HDAC8: variants seen among roughly 807,000 people sequenced by gnomAD.
HDAC8 encodes the protein histone deacetylase 8.
HDAC8 carries 1 observed loss-of-function variant against 32.2 expected under a neutral mutation model. That is an observed-to-expected ratio of 0.03 (90% CI 0.01 to 0.15). The LOEUF (loss-of-function observed/expected upper bound fraction) is 0.15, where lower values mean the gene tolerates loss of function less well. Among genes scored for constraint, HDAC8 ranks in the 10% least tolerant of loss-of-function variants. The pLI, the probability that HDAC8 is intolerant of heterozygous loss-of-function variation, is 1.00. For synonymous variants in HDAC8, 108 were observed against 113.9 expected, an observed-to-expected ratio of 0.95 and a Z score of 0.33; for missense variants, 117 against 300.0, an observed-to-expected ratio of 0.39 and a Z score of 4.51.
intron 4 of HDAC8, among the ~76,000 whole-genome samples, chrX:72,519,864 T>C (rs1296980005): frequency 2.7e-5 from 3 of 112,282 alleles, no homozygotes; most frequent in African/African-American, 9.7e-5. Flanking sequence ...TGCCGGAATA[T>C]ACAGGCCAGG....
chrX:72,349,656 T>A (rs1403727232), intron 10 of HDAC8, among the ~76,000 whole-genome samples: 1 of 112,052 alleles, frequency 8.9e-6, no homozygotes, highest in East Asian at 2.8e-4. Context: ...TTATCTCAAA[T>A]CTCTTTTTGA....
chrX:72,475,193 A>G (rs2048297131), intron 7 of HDAC8, among the ~76,000 whole-genome samples: 1 of 111,749 alleles, frequency 8.9e-6, no homozygotes, highest in African/African-American at 3.3e-5. Flanking sequence ...CTCCCTCAAT[A>G]GAGATTAAAG....
At chrX:72,464,092 C>T (rs1455481938) in intron 8 of HDAC8, among the ~76,000 whole-genome samples, 1 of 111,663 alleles carries the variant, frequency 9.0e-6, no homozygotes, top group Non-Finnish European at 1.9e-5. Flanking sequence ...CAAATCCATG[C>T]TTTTTGGGGG....
intron 10 of HDAC8, among the ~76,000 whole-genome samples, chrX:72,337,040 G>A (rs1479904616): frequency 8.9e-6 from 1 of 112,312 alleles, no homozygotes; most frequent in Non-Finnish European, 1.9e-5. Context: ...GTGAGCTACT[G>A]CACTCAGCCT....
At chrX:72,559,973 C>T (rs782416004) in intron 4 of HDAC8, among the ~76,000 whole-genome samples, 169 of 109,623 alleles carry the variant, frequency 1.5e-3, no homozygotes, top group African/African-American at 5.3e-3. Context: ...GCCGCTGCCC[C>T]GTCTGGGAGG....
chrX:72,428,327 C>T (rs1212786964), intron 9 of HDAC8, among the ~76,000 whole-genome samples: 5 of 112,223 alleles, frequency 4.5e-5, no homozygotes, highest in Admixed American at 3.8e-4. Flanking sequence ...CTCCTGACCT[C>T]GTGATCCGCC....
intron 9 of HDAC8, among the ~76,000 whole-genome samples, chrX:72,369,563 A>AGCAG (rs2044806292): frequency 8.9e-6 from 1 of 112,042 alleles, no homozygotes; most frequent in Non-Finnish European, 1.9e-5. Flanking sequence ...AGGGCAGACA[A>AGCAG]GCAGGCAGGC....
chrX:72,384,627 A>G (rs782713349), intron 9 of HDAC8, among the ~76,000 whole-genome samples: 8 of 112,284 alleles, frequency 7.1e-5, no homozygotes, highest in Non-Finnish European at 1.3e-4. Context: ...GATACTGACA[A>G]TAATTGCAAA....
chrX:72,368,729 G>A (rs1431881961), intron 9 of HDAC8, among the ~76,000 whole-genome samples: 3 of 112,392 alleles, frequency 2.7e-5, no homozygotes, highest in East Asian at 2.8e-4. Context: ...CCATTGGGCC[G>A]TGAGTGCAGC....
chrX:72,389,911 T>C (rs2045566463), intron 9 of HDAC8, among the ~76,000 whole-genome samples: 1 of 111,924 alleles, frequency 8.9e-6, no homozygotes, highest in Admixed American at 9.5e-5. Context: ...TTTACCAGGC[T>C]GAGGGTACCA....
chrX:72,484,541 A>G (rs1477609916), intron 7 of HDAC8, among the ~76,000 whole-genome samples: 1 of 112,513 alleles, frequency 8.9e-6, no homozygotes, highest in East Asian at 2.8e-4. Context: ...CACTTCATAT[A>G]TGGTTTTCTT....
intron 9 of HDAC8, among the ~76,000 whole-genome samples, chrX:72,443,329 AACTGTCTCTCAG>A (rs2047243626): frequency 9.0e-6 from 1 of 110,887 alleles, no homozygotes; most frequent in Non-Finnish European, 1.9e-5. Context: ...AATTATAACA[AACTGTCTCTCAG>A]ACCACAATGC....
At chrX:72,569,108 T>C (rs1427340593) in intron 2 of HDAC8, among the ~76,000 whole-genome samples, 2 of 112,320 alleles carry the variant, frequency 1.8e-5, no homozygotes, top group African/African-American at 6.5e-5. Context: ...AGATAGATTT[T>C]CCCTTGAGTT....
At chrX:72,423,513 A>T (rs781906283) in intron 9 of HDAC8, among the ~76,000 whole-genome samples, 45 of 112,056 alleles carry the variant, frequency 4.0e-4, no homozygotes, top group Non-Finnish European at 6.4e-4. Context: ...ATCCATGCAC[A>T]GTTCACCTTG....
intron 4 of HDAC8, among the ~76,000 whole-genome samples, chrX:72,519,456 C>A (rs1281960975): frequency 8.9e-6 from 1 of 112,332 alleles, no homozygotes; most frequent in African/African-American, 3.2e-5. Flanking sequence ...AACATCCTTG[C>A]CAACACTTAT....
At chrX:72,477,234 T>C (rs2048362573) in intron 7 of HDAC8, among the ~76,000 whole-genome samples, 1 of 111,768 alleles carries the variant, frequency 8.9e-6, no homozygotes, top group Non-Finnish European at 1.9e-5. Context: ...ACGTGTATAT[T>C]TACTGCTTGT....
intron 4 of HDAC8, among the ~76,000 whole-genome samples, chrX:72,551,836 C>G (rs1287236086): frequency 8.9e-6 from 1 of 111,960 alleles, no homozygotes; most frequent in Non-Finnish European, 1.9e-5. Context: ...ATAATCTGAC[C>G]TTGTCCTATT....
chrX:72,392,866 T>A (rs2045649837), intron 9 of HDAC8, among the ~76,000 whole-genome samples: 1 of 111,761 alleles, frequency 8.9e-6, no homozygotes. Flanking sequence ...CTTTAAAAAA[T>A]TATTATTATT....
intron 9 of HDAC8, among the ~76,000 whole-genome samples, chrX:72,456,496 A>T (rs1447893703): frequency 2.7e-5 from 3 of 111,664 alleles, no homozygotes; most frequent in Admixed American, 9.6e-5. Flanking sequence ...TGACTCTAAT[A>T]AGTTAAAAAT....
Sources: gnomAD v4.1 joint callset for allele counts (sites outside exome capture counted in the v4.1 genomes callset) on GRCh38, gnomAD v4.1.1 for gene constraint, MANE v1.5 for transcripts, NCBI Gene and HGNC (gene_info 2026-07-23, HGNC 2026-07-21) for gene names.